NSD3: variants seen among roughly 807,000 people sequenced by gnomAD.
NSD3 encodes the protein histone-lysine N-methyltransferase NSD3.
Under a neutral mutation model 160.8 loss-of-function variants are expected in NSD3, and 24 were observed. The ratio of observed to expected loss-of-function variants is 0.15; its 90% CI spans 0.11 to 0.21. The LOEUF (loss-of-function observed/expected upper bound fraction) is 0.21. NSD3 is among the 10% of genes least tolerant of loss of function. The pLI, the probability that NSD3 is intolerant of heterozygous loss-of-function variation, is 1.00. For missense variants in NSD3, 1,157 were observed against 1,735.9 expected, an observed-to-expected ratio of 0.67 and a Z score of 5.93; for synonymous variants, 520 against 600.0, an observed-to-expected ratio of 0.87 and a Z score of 1.95.
At chr8:38,361,198 T>C (rs1164683668) in intron 1 of NSD3, among the ~76,000 whole-genome samples, 1 of 151,992 alleles carries the variant, frequency 6.6e-6, no homozygotes, top group Non-Finnish European at 1.5e-5. Context: ...TTCACCATGT[T>C]GGCCAGGCTG....
intron 1 of NSD3, among the ~76,000 whole-genome samples, chr8:38,375,113 G>T (rs1811357648): frequency 2.0e-5 from 3 of 152,196 alleles, no homozygotes; most frequent in Admixed American, 2.0e-4. Context: ...CACCTCAGAA[G>T]ATGCCACATA....
In NSD3 at chr8:38,317,970, C is replaced by G. The variant is rs1422611652; in HGVS notation, c.1855+925G>C. The G allele has an allele frequency of 6.2e-7, 1 of 1,614,202 alleles. No homozygotes were observed. Among genetic ancestry groups the G allele is most frequent in the Non-Finnish European group, 8.5e-7 (1 of 1,180,036 alleles). ...GTACAGGAATCTCAGTCCACAGTTT[C>G]CTCAATCGCTGCGGAGACGGAGCTG... On this transcript the variant is annotated intron_variant, in intron 9 of 23. Transcript: ENST00000317025. The surrounding 1 kb of genome is among the most constrained non-coding windows in gnomAD (Gnocchi z 5.3).
chr8:38,295,514 T>A (rs1227653302), intron 16 of NSD3, among the ~76,000 whole-genome samples: 1 of 152,012 alleles, frequency 6.6e-6, no homozygotes. Context: ...TGAGCTGCGA[T>A]ACCACTGCAC....
intron 1 of NSD3, among the ~76,000 whole-genome samples, chr8:38,352,113 T>C (rs1269587948): frequency 6.6e-6 from 1 of 151,996 alleles, no homozygotes; most frequent in Non-Finnish European, 1.5e-5. Flanking sequence ...AGATTAATAA[T>C]AGACTGATTA....
At chr8:38,283,826 A>C (rs1808790205) in intron 19 of NSD3, among the ~76,000 whole-genome samples, 1 of 152,154 alleles carries the variant, frequency 6.6e-6, no homozygotes, top group Non-Finnish European at 1.5e-5. Flanking sequence ...AAAACAGGCC[A>C]GGTGTGGTGG....
intron 10 of NSD3, 39 bp from the exon 11 acceptor site, chr8:38,315,583 G>A (rs372254122): frequency 2.1e-5 from 33 of 1,606,584 alleles, no homozygotes; most frequent in Middle Eastern, 1.6e-4. Flanking sequence ...AAAACAAAAT[G>A]AAAATTCCCT....
At position 38,272,717 on chromosome 8, in the gene NSD3, C is replaced by G. The variant is rs1047121517; in HGVS notation, c.*2924G>C. ...TGCTTTAAGTTATTTCATTGTTGGA[C>G]AAGAATAAAAACCAGCCACTTACAC... On this transcript the variant is annotated 3_prime_UTR_variant, in exon 24 of 24. Coordinates refer to ENST00000317025, the MANE Select transcript of NSD3 (RefSeq NM_023034.2). The G allele has an allele frequency of 2.6e-5, 4 of 152,148 alleles. No individual in the cohort carries two copies. Among genetic ancestry groups the G allele is most frequent in the Non-Finnish European group, 4.4e-5 (3 of 68,022 alleles). The allele number at this position is 152,148 out of a possible 1,614,324, so 9.4% of individuals were successfully genotyped here. A position where few individuals can be genotyped will look rare whatever the true frequency, so the allele number is the denominator to read the frequency against.
At position 38,281,466 on chromosome 8, in the gene NSD3, C is replaced by A; in HGVS notation, c.3618+1G>T. 1 of 1,406,554 alleles carries A rather than the reference C, an allele frequency of 7.1e-7. No individual in the cohort carries two copies. Among genetic ancestry groups the A allele is most frequent in the Non-Finnish European group, 9.4e-7 (1 of 1,065,276 alleles). 87.1% of individuals were successfully genotyped at this position (1,406,554 alleles called of 1,614,324 possible). A position where few individuals can be genotyped will look rare whatever the true frequency, so the allele number is the denominator to read the frequency against. On this transcript the variant is annotated splice_donor_variant, in intron 20 of 23. Transcript: ENST00000317025. LOFTEE classifies it high-confidence loss of function. Reference sequence around the variant, plus strand: ...CTTACAAAAAAAAAAAGCAATTTTACCTTGGTAACAGTTAACATATAAAAA... The same window carrying A: ...CTTACAAAAAAAAAAAGCAATTTTAACTTGGTAACAGTTAACATATAAAAA...
chr8:38,304,864 T>C (rs1809358917), intron 13 of NSD3, 107 bp from the exon 14 acceptor site: 1 of 1,198,364 alleles, frequency 8.3e-7, no homozygotes, highest in Non-Finnish European at 1.1e-6. Flanking sequence ...CTAGTTACAG[T>C]AGATGGAAAG....
At chr8:38,290,033 T>C (rs1337718528) in intron 17 of NSD3, among the ~76,000 whole-genome samples, 1 of 152,020 alleles carries the variant, frequency 6.6e-6, no homozygotes, top group Non-Finnish European at 1.5e-5. Context: ...CTGGGCAACA[T>C]GGTGAAACCC....
intron 2 of NSD3, among the ~76,000 whole-genome samples, chr8:38,342,775 G>A (rs1225895293): frequency 6.6e-6 from 1 of 151,936 alleles, no homozygotes; most frequent in Non-Finnish European, 1.5e-5. Context: ...TGGCCAGGAG[G>A]TCTCGATCTC....
rs1223198988 is a variant in NSD3 at position 38,329,441 on chromosome 8, C to T, written c.1518G>A (p.Val506=). The part of the protein sequence containing the change: ...NMSPVVKIEQ[V]FALQNATGDG... ...CCCCTGTAGCATTCTGAAGAGCAAA[C>T]ACTTGTTCAATTTTCACAACTGGAG... The change falls in exon 6 of 24, where the codon GTG becomes GTA. Residue 506 remains valine, a synonymous_variant. Transcript: ENST00000317025. This position sits in a 1 kb window ranked among gnomAD's most constrained non-coding sequence, Gnocchi z 4.8. 6.2e-7 allele frequency: 1 copy of T among 1,614,084 alleles called. No individual in the cohort carries two copies. The highest frequency in any genetic ancestry group is 1.7e-5 in the Admixed American group (1 of 60,006).
At chr8:38,279,463 G>C in intron 21 of NSD3, 77 bp downstream of exon 21, 1 of 1,494,610 alleles carries the variant, frequency 6.7e-7, no homozygotes, top group Non-Finnish European at 9.0e-7. Flanking sequence ...ATCAAGCCTT[G>C]AAGAACCATG....
intron 1 of NSD3, among the ~76,000 whole-genome samples, chr8:38,372,274 C>T (rs1290981938): frequency 2.0e-5 from 3 of 152,128 alleles, no homozygotes; most frequent in Admixed American, 6.6e-5. Flanking sequence ...TCTAAACAAA[C>T]AACATTTTGT....
At chr8:38,293,235 T>TC (rs1809049640) in intron 16 of NSD3, among the ~76,000 whole-genome samples, 1 of 151,210 alleles carries the variant, frequency 6.6e-6, no homozygotes, top group Non-Finnish European at 1.5e-5. Context: ...TTTAAATGGG[T>TC]AAACATGTCT....
rs1159583653 is a variant in NSD3 at position 38,274,109 on chromosome 8, C to G, written c.*1532G>C. 2 of 152,128 alleles carry G rather than the reference C, an allele frequency of 1.3e-5. No homozygotes were observed. The highest frequency in any genetic ancestry group is 4.8e-5 in the African/African-American group (2 of 41,418). The allele number at this position is 152,128 out of a possible 1,614,324, so 9.4% of individuals were successfully genotyped here. On this transcript the variant is annotated 3_prime_UTR_variant, in exon 24 of 24. Coordinates refer to ENST00000317025, the MANE Select transcript of NSD3 (RefSeq NM_023034.2). ...GGTACTTGAGGGAAAATAAATGCTA[C>G]CAGGTACCAGCAATTGTAAGCAGTC...
chr8:38,341,133 A>G (rs916770487), intron 2 of NSD3, among the ~76,000 whole-genome samples: 7 of 152,226 alleles, frequency 4.6e-5, no homozygotes, highest in South Asian at 2.1e-4. Context: ...CCCGTCTCTT[A>G]AAACAACAAC....
intron 16 of NSD3, 140 bp downstream of exon 16, chr8:38,295,656 C>G (rs781122916): frequency 4.8e-5 from 38 of 791,450 alleles, no homozygotes; most frequent in Non-Finnish European, 6.7e-5. Flanking sequence ...AGCCTCAAAA[C>G]ATGGTTCTTT....
intron 7 of NSD3, among the ~76,000 whole-genome samples, chr8:38,322,310 G>A (rs867385410): frequency 7.2e-5 from 11 of 152,030 alleles, no homozygotes; most frequent in Admixed American, 5.2e-4. Context: ...GTGGTTAATC[G>A]ATTTATAGTA....
Sources: allele counts gnomAD v4.1 joint callset (sites outside exome capture counted in the v4.1 genomes callset), GRCh38; gene constraint gnomAD v4.1.1; non-coding constraint Gnocchi (gnomAD v3.1); transcripts MANE v1.5; gene names NCBI Gene and HGNC (gene_info 2026-07-23, HGNC 2026-07-21).